The following FAM227B variants were observed in gnomAD, a reference collection of about 807,000 sequenced individuals.
The protein encoded by FAM227B is family with sequence similarity 227 member B.
A neutral mutation model predicts 73.8 loss-of-function variants in FAM227B; 88 were observed. The observed-to-expected ratio is 1.19, with a 90% CI of 1.00 to 1.42. The LOEUF (loss-of-function observed/expected upper bound fraction) is 1.42. FAM227B is among the 40% of genes most tolerant of loss of function. FAM227B has a pLI of 0.00. For synonymous variants in FAM227B, 210 were observed against 190.5 expected, an observed-to-expected ratio of 1.10 and a Z score of -0.84; for missense variants, 632 against 590.9, an observed-to-expected ratio of 1.07 and a Z score of -0.72.
chr15:49,553,912 T>C (rs1052185052), intron 9 of FAM227B, among the ~76,000 whole-genome samples: 1 of 152,200 alleles, frequency 6.6e-6, no homozygotes, highest in Admixed American at 6.5e-5. Context: ...TGCTGGTACC[T>C]GAAGCCAGCA....
chr15:49,399,025 A>G (rs2047915622), intron 11 of FAM227B, among the ~76,000 whole-genome samples: 1 of 113,894 alleles, frequency 8.8e-6, no homozygotes, highest in South Asian at 3.3e-4. Flanking sequence ...AAATAGAGAC[A>G]CAAAAAACCC....
intron 11 of FAM227B, among the ~76,000 whole-genome samples, chr15:49,435,874 C>A (rs2151811305): frequency 6.6e-6 from 1 of 151,638 alleles, no homozygotes. Flanking sequence ...TCTGCAAAAT[C>A]TTACAATGTA....
chr15:49,396,255 T>G (rs549803368), intron 11 of FAM227B: 25,478 of 387,440 alleles, frequency 0.066, 1,122 homozygotes, highest in Non-Finnish European at 0.087. Context: ...TGGAAAATCG[T>G]GTCACTCCCA....
chr15:49,391,031 C>A (rs151217493), intron 11 of FAM227B, among the ~76,000 whole-genome samples: 1 of 152,062 alleles, frequency 6.6e-6, no homozygotes, highest in Non-Finnish European at 1.5e-5. Context: ...CGGCAACTCA[C>A]TTTCCAATTG....
At chr15:49,463,359 G>A (rs1430374604) in intron 11 of FAM227B, among the ~76,000 whole-genome samples, 1 of 152,058 alleles carries the variant, frequency 6.6e-6, no homozygotes, top group Non-Finnish European at 1.5e-5. Flanking sequence ...TTCAAGACCA[G>A]CCTGGCCAAC....
intron 11 of FAM227B, among the ~76,000 whole-genome samples, chr15:49,501,543 ACACTCAGATG>A (rs1254983407): frequency 1.3e-5 from 2 of 152,202 alleles, no homozygotes; most frequent in Non-Finnish European, 2.9e-5. Context: ...GCAACAGACG[ACACTCAGATG>A]CAGGAGCAAA....
At chr15:49,587,782 C>T (rs1357845170) in intron 5 of FAM227B, among the ~76,000 whole-genome samples, 1 of 151,862 alleles carries the variant, frequency 6.6e-6, no homozygotes, top group African/African-American at 2.4e-5. Flanking sequence ...TAATAGTATA[C>T]CTTGAAATAA....
chr15:49,615,488 T>C (rs1426021332), intron 1 of FAM227B, among the ~76,000 whole-genome samples: 2 of 152,142 alleles, frequency 1.3e-5, no homozygotes, highest in South Asian at 2.1e-4. Flanking sequence ...TGTTTTGTGA[T>C]AGACTTCTCA....
chr15:49,618,338 G>C (rs1035320691), intron 1 of FAM227B, among the ~76,000 whole-genome samples: 4 of 152,208 alleles, frequency 2.6e-5, no homozygotes, highest in African/African-American at 4.8e-5. Context: ...ATAAACTAAA[G>C]GCTGTAACGC....
chr15:49,526,531 A>G (rs1230679431), intron 10 of FAM227B, among the ~76,000 whole-genome samples: 2 of 152,150 alleles, frequency 1.3e-5, no homozygotes, highest in African/African-American at 4.8e-5. Context: ...CAAGAAGAAA[A>G]TAAATAACAA....
At chr15:49,460,759 T>C (rs547683752) in intron 11 of FAM227B, among the ~76,000 whole-genome samples, 1 of 152,334 alleles carries the variant, frequency 6.6e-6, no homozygotes, top group African/African-American at 2.4e-5. Context: ...GCAGCTTCTT[T>C]GTTTTGGCAA....
At chr15:49,590,992 A>C (rs1032824012) in intron 3 of FAM227B, among the ~76,000 whole-genome samples, 26 of 142,580 alleles carry the variant, frequency 1.8e-4, no homozygotes, top group Non-Finnish European at 2.7e-4. Flanking sequence ...AAATAGAGAG[A>C]TCTCTCTCTT....
At chr15:49,526,814 G>A (rs1006662154) in intron 10 of FAM227B, among the ~76,000 whole-genome samples, 27 of 151,862 alleles carry the variant, frequency 1.8e-4, no homozygotes, top group Admixed American at 3.3e-4. Flanking sequence ...GATAAATTTT[G>A]TGGAATATAC....
At chr15:49,598,208 A>G (rs949990473) in intron 3 of FAM227B, among the ~76,000 whole-genome samples, 4 of 151,942 alleles carry the variant, frequency 2.6e-5, no homozygotes, top group East Asian at 1.9e-4. Context: ...AAATTTATCC[A>G]TAAGTATTTT....
intron 10 of FAM227B, among the ~76,000 whole-genome samples, chr15:49,539,393 G>T (rs1434889781): frequency 1.3e-5 from 2 of 152,162 alleles, no homozygotes; most frequent in Non-Finnish European, 2.9e-5. Context: ...GCATCTTCGT[G>T]GTGGTAGTAG....
chr15:49,498,017 C>T (rs752530287), intron 11 of FAM227B, among the ~76,000 whole-genome samples: 7 of 152,176 alleles, frequency 4.6e-5, no homozygotes, highest in Admixed American at 1.3e-4. Flanking sequence ...TCCTCATTCA[C>T]CCTCATCTAT....
In FAM227B at chr15:49,433,069, T is replaced by C. The variant is rs570152120; in HGVS notation, c.1013-61670A>G. Among the ~76,000 whole-genome samples the C allele has an allele frequency of 7.2e-4, 109 of 151,426 alleles. No homozygotes were observed. In the South Asian group the frequency reaches 0.012, roughly 17 times the overall value. On this transcript the variant is annotated intron_variant, in intron 11 of 15. Coordinates refer to ENST00000299338, the MANE Select transcript of FAM227B (RefSeq NM_152647.3). ...ATTATTTCAATAAAGAAATGTTTCA[T>C]TTACTGGCTAAAAATTATTTAGAAA...
intron 9 of FAM227B, among the ~76,000 whole-genome samples, chr15:49,551,641 T>C (rs1435943063): frequency 6.6e-6 from 1 of 152,226 alleles, no homozygotes; most frequent in Non-Finnish European, 1.5e-5. Context: ...TGTTATTTGC[T>C]TTCTTGTTCT....
At chr15:49,609,381 G>A (rs889194754) in intron 3 of FAM227B, among the ~76,000 whole-genome samples, 1 of 151,714 alleles carries the variant, frequency 6.6e-6, no homozygotes. Context: ...GATAGAAATG[G>A]TAGGAACTGG....
Sources: gnomAD v4.1 joint callset for allele counts (sites outside exome capture counted in the v4.1 genomes callset) on GRCh38, gnomAD v4.1.1 for gene constraint, MANE v1.5 for transcripts, NCBI Gene and HGNC (gene_info 2026-07-23, HGNC 2026-07-21) for gene names.